The following PPCDC variants were observed in gnomAD, a reference collection of about 807,000 sequenced individuals.
PPCDC encodes phosphopantothenoylcysteine decarboxylase.
PPCDC carries 20 observed loss-of-function variants against 20.7 expected under a neutral mutation model. The observed-to-expected ratio is 0.97, with a 90% CI of 0.68 to 1.41. The LOEUF (loss-of-function observed/expected upper bound fraction) is 1.41. PPCDC is among the 40% of genes most tolerant of loss of function. The probability of loss-of-function intolerance (pLI) is 0.00; values close to 1 mark genes in which losing one functional copy is unlikely to be tolerated. For synonymous variants in PPCDC, 88 were observed against 100.3 expected (o/e 0.88, Z 0.73); for missense variants, 246 against 263.8 (o/e 0.93, Z 0.47).
intron 2 of PPCDC, among the ~76,000 whole-genome samples, chr15:75,035,275 G>A (rs1208822609): frequency 6.6e-6 from 1 of 152,192 alleles, no homozygotes; most frequent in Non-Finnish European, 1.5e-5. Context: ...CTTAGGGATG[G>A]TGGTGCTACT....
At chr15:75,046,129 C>T (rs944923871) in intron 4 of PPCDC, among the ~76,000 whole-genome samples, 2 of 152,100 alleles carry the variant, frequency 1.3e-5, no homozygotes, top group East Asian at 1.9e-4. Flanking sequence ...GTGGGAGGAT[C>T]GCTTGAGTCC....
In PPCDC at chr15:75,050,286, T is replaced by G. The variant is rs1475517193; in HGVS notation, c.*1051T>G. The G allele has an allele frequency of 6.6e-6, 1 of 152,322 alleles. No homozygotes were observed. The highest frequency in any genetic ancestry group is 1.9e-4 in the East Asian group (1 of 5,194). 9.4% of individuals were successfully genotyped at this position (152,322 alleles called of 1,614,324 possible). The stretch of plus-strand genomic sequence containing the variant: ...GCCTCTTGCCTGCTTCTTGGTTTCC[T>G]CTGTTCTCATCCTTTCAGCTTTGCT... On this transcript the variant is annotated 3_prime_UTR_variant, in exon 6 of 6. Coordinates refer to ENST00000342932, the MANE Select transcript of PPCDC (RefSeq NM_021823.5).
chr15:75,032,724 A>AACCC (rs2066036136), intron 2 of PPCDC, among the ~76,000 whole-genome samples: 2 of 96,650 alleles, frequency 2.1e-5, no homozygotes, highest in Non-Finnish European at 3.9e-5. Context: ...AGCAAACTGG[A>AACCC]CCCCCCCCCC....
rs2066183305 is a variant in PPCDC at position 75,043,597 on chromosome 15, C to T, written c.231+61C>T. 4 of 1,395,508 alleles carry T rather than the reference C, an allele frequency of 2.9e-6. No homozygotes were observed. The African/African-American group carries it at 4.3e-5, about 15-fold the overall frequency. 86.4% of individuals were successfully genotyped at this position (1,395,508 alleles called of 1,614,324 possible). A position where few individuals can be genotyped will look rare whatever the true frequency, so the allele number is the denominator to read the frequency against. ...GTTTCCACCAGCAGGACAGAACAGT[C>T]CTCCCTACGGCCTATGGTCTGGCAG... On this transcript the variant is annotated intron_variant, in intron 3 of 5. Coordinates refer to ENST00000342932, the MANE Select transcript of PPCDC (RefSeq NM_021823.5).
intron 1 of PPCDC, among the ~76,000 whole-genome samples, chr15:75,027,366 A>G (rs532898920): frequency 2.9e-4 from 44 of 152,278 alleles, no homozygotes; most frequent in African/African-American, 8.9e-4. Flanking sequence ...CCATATTATC[A>G]TGAGTGCACA....
chr15:75,030,055 A>T (rs2141476990), intron 2 of PPCDC, among the ~76,000 whole-genome samples: 1 of 152,222 alleles, frequency 6.6e-6, no homozygotes, highest in South Asian at 2.1e-4. Flanking sequence ...GCCCCATGGG[A>T]TGGCAGGCCA....
Position 75,041,978 on chromosome 15 carries a change from C to T in PPCDC, c.136-1463C>T, listed in dbSNP as rs929470814. 3.3e-5 allele frequency among the ~76,000 whole-genome samples: 5 copies of T among 152,340 alleles called. No homozygotes were observed. In the East Asian group the frequency reaches 9.6e-4, roughly 29 times the overall value. The stretch of plus-strand genomic sequence containing the variant: ...GTGAGAGGCAGGCCTTAGGGCACCA[C>T]GTCGCTCTCACGTAGGAATGTGTGT... On this transcript the variant is annotated intron_variant, in intron 2 of 5. Coordinates refer to ENST00000342932, the MANE Select transcript of PPCDC (RefSeq NM_021823.5).
At chr15:75,044,276 G>C in intron 3 of PPCDC, 110 bp from the exon 4 acceptor site, 1 of 1,489,366 alleles carries the variant, frequency 6.7e-7, no homozygotes. Flanking sequence ...AGGTTGGCCT[G>C]GGCAGGGCAG....
chr15:75,031,308 G>A (rs1376164099), intron 2 of PPCDC, among the ~76,000 whole-genome samples: 5 of 152,150 alleles, frequency 3.3e-5, no homozygotes, highest in East Asian at 3.9e-4. Context: ...AGTAAAATCC[G>A]GGTTGTCAGC....
chr15:75,044,564 T>A (rs776823108), intron 4 of PPCDC, 50 bp downstream of exon 4: 3 of 1,590,206 alleles, frequency 1.9e-6, no homozygotes, highest in South Asian at 1.2e-5. Flanking sequence ...CACACCCAGT[T>A]TGCTGAGCTG....
chr15:75,043,368 G>C (rs1398902749), intron 2 of PPCDC, 73 bp from the exon 3 acceptor site: 9 of 1,353,092 alleles, frequency 6.7e-6, no homozygotes, highest in Non-Finnish European at 7.2e-6. Flanking sequence ...TGACCCTCCT[G>C]TGGCCTCCAG....
chr15:75,034,391 T>C (rs537511978), intron 2 of PPCDC, among the ~76,000 whole-genome samples: 53 of 152,272 alleles, frequency 3.5e-4, no homozygotes, highest in African/African-American at 1.2e-3. Flanking sequence ...GGCCAGAGCT[T>C]GGATCTTATC....
chr15:75,025,455 TC>T (rs1401355001), intron 1 of PPCDC, among the ~76,000 whole-genome samples: 1 of 152,222 alleles, frequency 6.6e-6, no homozygotes, highest in Non-Finnish European at 1.5e-5. Flanking sequence ...CTGGCAGGTA[TC>T]CCTGAAACCT....
intron 4 of PPCDC, among the ~76,000 whole-genome samples, chr15:75,045,500 G>T (rs2066220205): frequency 6.6e-6 from 1 of 152,152 alleles, no homozygotes; most frequent in Admixed American, 6.6e-5. Flanking sequence ...GCGAGTAGCT[G>T]GGAGTTTTTC....
At chr15:75,024,676 CTTTT>C (rs35831714) in intron 1 of PPCDC, among the ~76,000 whole-genome samples, 1 of 140,076 alleles carries the variant, frequency 7.1e-6, no homozygotes, top group Non-Finnish European at 1.6e-5. Context: ...TTTTTCTTTT[CTTTT>C]TTTTTTTTTG....
intron 2 of PPCDC, among the ~76,000 whole-genome samples, chr15:75,030,494 C>G (rs762923264): frequency 6.6e-6 from 1 of 152,206 alleles, no homozygotes; most frequent in Non-Finnish European, 1.5e-5. Flanking sequence ...GGAGACAGCT[C>G]TCCAAGCCTG....
intron 2 of PPCDC, among the ~76,000 whole-genome samples, chr15:75,041,981 C>T (rs910266308): frequency 2.0e-5 from 3 of 152,242 alleles, no homozygotes; most frequent in African/African-American, 4.8e-5. Context: ...GGCACCACGT[C>T]GCTCTCACGT....
intron 2 of PPCDC, 49 bp downstream of exon 2, chr15:75,028,502 G>A (rs780453191): frequency 1.1e-5 from 18 of 1,609,060 alleles, no homozygotes; most frequent in Admixed American, 3.4e-5. Context: ...ATGGGAGGCC[G>A]GTGCTCCCGG....
chr15:75,049,502 T>C lies in PPCDC; in HGVS notation c.*267T>C. ...GGCAAGCCAGGAGAGCAAGCAGTGT[T>C]GTCCTCACGGGAGGAGGACTGAGCG... On this transcript the variant is annotated 3_prime_UTR_variant, in exon 6 of 6. Transcript: ENST00000342932. 1 of 473,928 alleles carries C rather than the reference T, an allele frequency of 2.1e-6. No homozygotes were observed. 29.4% of individuals were successfully genotyped at this position (473,928 alleles called of 1,614,324 possible). A position where few individuals can be genotyped will look rare whatever the true frequency, so the allele number is the denominator to read the frequency against.
Sources: gnomAD v4.1 joint callset for allele counts (sites outside exome capture counted in the v4.1 genomes callset) on GRCh38, gnomAD v4.1.1 for gene constraint, MANE v1.5 for transcripts, NCBI Gene and HGNC (gene_info 2026-07-23, HGNC 2026-07-21) for gene names.